Variants in MMP20 observed in about 807,000 individuals in gnomAD.
MMP20 encodes the protein matrix metallopeptidase 20.
In MMP20, 50 loss-of-function variants were observed where a neutral mutation model predicts 51.8. The observed-to-expected ratio is 0.97, with a 90% CI of 0.77 to 1.22. The LOEUF is 1.22. Ranked by LOEUF, MMP20 falls within the 50% of genes most tolerant of loss-of-function variation. MMP20 has a pLI of 0.00. For missense variants in MMP20, 663 were observed against 601.4 expected (o/e 1.10, Z -1.07); for synonymous variants, 244 against 216.2 (o/e 1.13, Z -1.13).
intron 8 of MMP20, among the ~76,000 whole-genome samples, chr11:102,584,542 G>A (rs1177924759): frequency 6.6e-6 from 1 of 151,978 alleles, no homozygotes; most frequent in Non-Finnish European, 1.5e-5. Context: ...TCAGATATAT[G>A]ACTTACAAAC....
intron 6 of MMP20, among the ~76,000 whole-genome samples, chr11:102,597,746 A>G (rs1859399361): frequency 6.6e-6 from 1 of 152,218 alleles, no homozygotes; most frequent in Non-Finnish European, 1.5e-5. Context: ...TCCATCACTT[A>G]TATAAATTAT....
At chr11:102,611,211 T>A (rs999676531) in intron 3 of MMP20, among the ~76,000 whole-genome samples, 2 of 151,992 alleles carry the variant, frequency 1.3e-5, no homozygotes, top group African/African-American at 4.8e-5. Context: ...GGGTGAGCAA[T>A]GGAATGGAGA....
At chr11:102,594,894 T>G in intron 6 of MMP20, 137 bp from the exon 7 acceptor site, 2 of 1,095,142 alleles carry the variant, frequency 1.8e-6, no homozygotes, top group Non-Finnish European at 2.5e-6. Flanking sequence ...CTTGCCTTGT[T>G]TTTTTTCTCT....
chr11:102,618,932 C>A (rs1317885980), intron 1 of MMP20, among the ~76,000 whole-genome samples: 2 of 152,102 alleles, frequency 1.3e-5, no homozygotes, highest in African/African-American at 4.8e-5. Context: ...CCTGCCCTTC[C>A]TGTGAGAGAA....
intron 6 of MMP20, among the ~76,000 whole-genome samples, chr11:102,605,892 C>T (rs1859508503): frequency 6.6e-6 from 1 of 152,096 alleles, no homozygotes; most frequent in Admixed American, 6.5e-5. Flanking sequence ...AGCCTTACTC[C>T]CCAAGAAACC....
In MMP20 at chr11:102,578,087, T is replaced by A. The variant is rs146305613; in HGVS notation, c.1352-661A>T. Among the ~76,000 whole-genome samples the A allele has an allele frequency of 2.2e-3, 332 of 152,300 alleles. 1 individual carries two copies. The highest frequency in any genetic ancestry group is 7.5e-3 in the African/African-American group (312 of 41,572). ...GTTCTATTCAACTTTCCTAGCTATG[T>A]GTTAAATTGCAGGAGTTGGATGATG... On this transcript the variant is annotated intron_variant, in intron 9 of 9. Transcript: ENST00000260228.
chr11:102,599,767 G>T (rs1455040688), intron 6 of MMP20, among the ~76,000 whole-genome samples: 1 of 152,198 alleles, frequency 6.6e-6, no homozygotes, highest in African/African-American at 2.4e-5. Context: ...AACCAGGGCT[G>T]CTTAGTTCAT....
chr11:102,590,511 C>T (rs1369104252), intron 8 of MMP20, among the ~76,000 whole-genome samples: 1 of 152,176 alleles, frequency 6.6e-6, no homozygotes, highest in African/African-American at 2.4e-5. Flanking sequence ...GAGGAAGTTC[C>T]TCGGTCATTT....
At chr11:102,580,411 C>G (rs947217575) in intron 8 of MMP20, among the ~76,000 whole-genome samples, 1 of 115,122 alleles carries the variant, frequency 8.7e-6, no homozygotes, top group Non-Finnish European at 1.8e-5. Flanking sequence ...GAAAAATTTC[C>G]TGTGGCAGCA....
intron 8 of MMP20, among the ~76,000 whole-genome samples, chr11:102,583,150 T>C (rs184684044): frequency 6.6e-6 from 1 of 152,336 alleles, no homozygotes; most frequent in African/African-American, 2.4e-5. Flanking sequence ...TTTACTGTCT[T>C]GATAAATGCC....
intron 8 of MMP20, among the ~76,000 whole-genome samples, chr11:102,589,479 C>T (rs1005301373): frequency 3.3e-5 from 5 of 152,166 alleles, no homozygotes; most frequent in Non-Finnish European, 5.9e-5. Flanking sequence ...CTGTTGAGGG[C>T]ATTAATAACA....
rs552166035 is a variant in MMP20, at chr11:102,594,971, T to A, written c.954-214A>T. Among the ~76,000 whole-genome samples, 16 of 151,416 alleles carry A rather than the reference T, an allele frequency of 1.1e-4. 1 individual carries two copies. The South Asian group carries it at 3.4e-3, about 32-fold the overall frequency. Reference sequence around the variant, plus strand: ...CCCAGGCTGGAGTGCAGTGGCATGATCTTGGCTCACTGCAACCTCGGCTCA... The same window carrying A: ...CCCAGGCTGGAGTGCAGTGGCATGAACTTGGCTCACTGCAACCTCGGCTCA... On this transcript the variant is annotated intron_variant, in intron 6 of 9. Coordinates refer to ENST00000260228, the MANE Select transcript of MMP20 (RefSeq NM_004771.4).
chr11:102,609,763 T>G, intron 4 of MMP20, 142 bp downstream of exon 4: 1 of 1,152,904 alleles, frequency 8.7e-7, no homozygotes, highest in Non-Finnish European at 1.3e-6. Flanking sequence ...TGTGATCCCT[T>G]TTGGATTTTT....
At chr11:102,618,713 G>A (rs1859707660) in intron 1 of MMP20, among the ~76,000 whole-genome samples, 1 of 151,998 alleles carries the variant, frequency 6.6e-6, no homozygotes, top group South Asian at 2.1e-4. Context: ...ATAATAAAAG[G>A]AAGTCTGCCT....
chr11:102,598,889 A>C (rs1009109215), intron 6 of MMP20, among the ~76,000 whole-genome samples: 2 of 152,126 alleles, frequency 1.3e-5, no homozygotes, highest in African/African-American at 4.8e-5. Context: ...CTGGACAATC[A>C]AGGCAACTCA....
At chr11:102,585,836 T>C (rs1381536140) in intron 8 of MMP20, among the ~76,000 whole-genome samples, 1 of 152,228 alleles carries the variant, frequency 6.6e-6, no homozygotes, top group Non-Finnish European at 1.5e-5. Context: ...TAATGTTGAA[T>C]TTTGCCAAAT....
intron 2 of MMP20, among the ~76,000 whole-genome samples, chr11:102,615,622 G>T (rs764675465): frequency 6.6e-6 from 1 of 152,112 alleles, no homozygotes; most frequent in African/African-American, 2.4e-5. Flanking sequence ...TTGACATCAC[G>T]CTCTAGTTGC....
chr11:102,591,975 C>T (rs895335343), intron 8 of MMP20, among the ~76,000 whole-genome samples: 3 of 152,138 alleles, frequency 2.0e-5, no homozygotes, highest in Admixed American at 2.0e-4. Flanking sequence ...GGATAATTCC[C>T]CCATTGAGAA....
intron 1 of MMP20, among the ~76,000 whole-genome samples, chr11:102,622,359 A>G (rs971735593): frequency 1.3e-5 from 2 of 152,078 alleles, no homozygotes; most frequent in African/African-American, 4.8e-5. Context: ...TGCTGGCCTC[A>G]CCTGTCCTTG....
Sources: gnomAD v4.1 joint callset for allele counts (sites outside exome capture counted in the v4.1 genomes callset) on GRCh38, gnomAD v4.1.1 for gene constraint, MANE v1.5 for transcripts, NCBI Gene and HGNC (gene_info 2026-07-23, HGNC 2026-07-21) for gene names.